Variants in EYS observed in about 807,000 individuals in gnomAD.
EYS encodes protein eyes shut homolog.
EYS carries 250 observed loss-of-function variants against 282.1 expected under a neutral mutation model. That is an observed-to-expected ratio of 0.89 (90% CI 0.80 to 0.98). The LOEUF (loss-of-function observed/expected upper bound fraction) is 0.98. Among genes scored for constraint, EYS ranks in the 50% least tolerant of loss-of-function variants. The pLI is 0.00. For synonymous variants in EYS, 1,355 were observed against 1,282.9 expected (o/e 1.06, Z -1.20); for missense variants, 4,016 against 3,709.0 (o/e 1.08, Z -2.15).
At chr6:65,424,575 C>A (rs898905729) in intron 5 of EYS, among the ~76,000 whole-genome samples, 128 of 151,982 alleles carry the variant, frequency 8.4e-4, no homozygotes, top group African/African-American at 3.0e-3. Context: ...TTTTATATTA[C>A]ATCAAATCTA....
At chr6:64,683,358 G>A (rs1769971954) in intron 22 of EYS, among the ~76,000 whole-genome samples, 1 of 152,052 alleles carries the variant, frequency 6.6e-6, no homozygotes, top group Non-Finnish European at 1.5e-5. Flanking sequence ...AAAAAGGCTA[G>A]GGCCACATGA....
chr6:64,468,411 T>C (rs1309491076), intron 26 of EYS, among the ~76,000 whole-genome samples: 2 of 152,244 alleles, frequency 1.3e-5, no homozygotes, highest in Non-Finnish European at 2.9e-5. Context: ...GAAGTGACTG[T>C]TTCATGTTTC....
chr6:64,637,216 G>A (rs1274253621), intron 22 of EYS, among the ~76,000 whole-genome samples: 1 of 91,252 alleles, frequency 1.1e-5, no homozygotes, highest in East Asian at 2.4e-4. Flanking sequence ...ATGATAGACT[G>A]GATTGAGAAA....
chr6:65,346,964 T>C (rs907585791), intron 9 of EYS, among the ~76,000 whole-genome samples: 4 of 151,872 alleles, frequency 2.6e-5, no homozygotes, highest in African/African-American at 9.7e-5. Context: ...TCCATATTTA[T>C]GTTTACTCTT....
intron 30 of EYS, among the ~76,000 whole-genome samples, chr6:64,249,045 C>T (rs1321990362): frequency 1.9e-5 from 2 of 102,632 alleles, no homozygotes; most frequent in Admixed American, 1.3e-4. Context: ...GCCTGGGCTA[C>T]AGAGTGACAC....
intron 12 of EYS, among the ~76,000 whole-genome samples, chr6:65,118,353 A>AG (rs11398138): frequency 0.26 from 39,556 of 152,052 alleles, 6,277 homozygotes; most frequent in African/African-American, 0.44. Context: ...ATGAACTACT[A>AG]TCCAAATACA....
chr6:63,785,391 C>T (rs1194500389), intron 39 of EYS, among the ~76,000 whole-genome samples: 1 of 152,178 alleles, frequency 6.6e-6, no homozygotes, highest in African/African-American at 2.4e-5. Flanking sequence ...TGTCTTCCTT[C>T]CTTCATTCCG....
At chr6:65,354,002 T>C (rs1764386543) in intron 8 of EYS, among the ~76,000 whole-genome samples, 1 of 152,238 alleles carries the variant, frequency 6.6e-6, no homozygotes, top group South Asian at 2.1e-4. Context: ...TCATGGTGTG[T>C]TCAAATTAGA....
At chr6:64,220,033 G>A (rs370195901) in intron 31 of EYS, among the ~76,000 whole-genome samples, 1 of 152,110 alleles carries the variant, frequency 6.6e-6, no homozygotes, top group Non-Finnish European at 1.5e-5. Context: ...GCCTATTGTG[G>A]GGTGAGGGGG....
chr6:65,627,559 C>CCG (rs1766753417), intron 2 of EYS, among the ~76,000 whole-genome samples: 1 of 152,158 alleles, frequency 6.6e-6, no homozygotes, highest in African/African-American at 2.4e-5. Flanking sequence ...GGGCTGCCTG[C>CCG]CGCGCTTGCG....
At chr6:64,137,919 C>CA (rs1774215809) in intron 31 of EYS, among the ~76,000 whole-genome samples, 2 of 151,862 alleles carry the variant, frequency 1.3e-5, no homozygotes, top group Non-Finnish European at 2.9e-5. Context: ...AAAACAAAAA[C>CA]AAAAAAATAA....
At chr6:64,297,781 T>C (rs1769086981) in intron 30 of EYS, among the ~76,000 whole-genome samples, 1 of 151,910 alleles carries the variant, frequency 6.6e-6, no homozygotes, top group African/African-American at 2.4e-5. Context: ...TGCTTGAGAC[T>C]AGCCTGGCCA....
chr6:65,473,829 G>A (rs1467397665), intron 5 of EYS, among the ~76,000 whole-genome samples: 1 of 148,402 alleles, frequency 6.7e-6, no homozygotes, highest in African/African-American at 2.5e-5. Flanking sequence ...AACAATGTTG[G>A]TTATGGGATT....
At chr6:64,005,968 A>G (rs1467605179) in intron 33 of EYS, among the ~76,000 whole-genome samples, 1 of 152,178 alleles carries the variant, frequency 6.6e-6, no homozygotes, top group African/African-American at 2.4e-5. Context: ...TATCGGTTCC[A>G]TATGAATTTT....
At chr6:63,856,395 A>G (rs1772392968) in intron 36 of EYS, among the ~76,000 whole-genome samples, 1 of 152,192 alleles carries the variant, frequency 6.6e-6, no homozygotes, top group Admixed American at 6.6e-5. Flanking sequence ...GAATTCTGTG[A>G]GGTTGCTAAA....
intron 13 of EYS, among the ~76,000 whole-genome samples, chr6:65,054,113 C>T (rs1773348994): frequency 6.6e-6 from 1 of 151,800 alleles, no homozygotes; most frequent in Admixed American, 6.6e-5. Flanking sequence ...TTATTCATAA[C>T]AATAAAAAAT....
intron 12 of EYS, among the ~76,000 whole-genome samples, chr6:65,221,150 A>G (rs1028953708): frequency 3.3e-5 from 5 of 152,232 alleles, no homozygotes; most frequent in African/African-American, 9.6e-5. Context: ...TTGCAGCCCA[A>G]TGATGCAATG....
chr6:65,000,045 C>T (rs1771412333), intron 13 of EYS, among the ~76,000 whole-genome samples: 1 of 152,186 alleles, frequency 6.6e-6, no homozygotes, highest in Non-Finnish European at 1.5e-5. Flanking sequence ...TTAACACAAG[C>T]CGCCTATAGA....
chr6:64,335,667 G>T (rs565835537), intron 29 of EYS, among the ~76,000 whole-genome samples: 1 of 151,782 alleles, frequency 6.6e-6, no homozygotes, highest in Non-Finnish European at 1.5e-5. Context: ...TGATTGTCCC[G>T]CAACAATCAG....
Sources: gnomAD v4.1 joint callset for allele counts (sites outside exome capture counted in the v4.1 genomes callset) on GRCh38, gnomAD v4.1.1 for gene constraint, MANE v1.5 for transcripts, NCBI Gene and HGNC (gene_info 2026-07-23, HGNC 2026-07-21) for gene names.